The following PIK3C2G variants were observed in gnomAD, a reference collection of about 807,000 sequenced individuals.
PIK3C2G encodes phosphatidylinositol-4-phosphate 3-kinase catalytic subunit type 2 gamma, also known as phosphatidylinositol 3-kinase C2 domain-containing subunit gamma.
A neutral mutation model predicts 181.1 loss-of-function variants in PIK3C2G; 168 were observed. The observed-to-expected ratio is 0.93, with a 90% CI of 0.82 to 1.05. The LOEUF is 1.05. Among genes scored for constraint, PIK3C2G ranks in the 50% least tolerant of loss-of-function variants. The pLI is 0.00. For synonymous variants in PIK3C2G, 573 were observed against 592.2 expected (o/e 0.97, Z 0.47); for missense variants, 1,869 against 1,732.8 (o/e 1.08, Z -1.40).
downstream of PIK3C2G, among the ~76,000 whole-genome samples, chr12:18,649,923 C>T (rs186066081): frequency 2.0e-4 from 31 of 152,162 alleles, no homozygotes; most frequent in Admixed American, 1.4e-3. Flanking sequence ...TGCTCCTCTC[C>T]ACCACCTCCA....
chr12:18,549,121 T>A (rs897463965), intron 26 of PIK3C2G, among the ~76,000 whole-genome samples: 1 of 152,066 alleles, frequency 6.6e-6, no homozygotes. Flanking sequence ...TGAAACCTTA[T>A]CTGATCATTC....
intron 26 of PIK3C2G, among the ~76,000 whole-genome samples, chr12:18,558,480 T>A (rs529753189): frequency 6.6e-6 from 1 of 152,324 alleles, no homozygotes; most frequent in African/African-American, 2.4e-5. Context: ...TTACATACAA[T>A]TGTGATTCTT....
chr12:18,609,664 C>G, intron 31 of PIK3C2G, 35 bp downstream of exon 31: 7 of 1,294,860 alleles, frequency 5.4e-6, no homozygotes, highest in Non-Finnish European at 7.6e-6. Context: ...AACATGTAAG[C>G]CTACATCCAG....
At chr12:18,349,827 T>C (rs1940051261) in intron 11 of PIK3C2G, among the ~76,000 whole-genome samples, 1 of 152,196 alleles carries the variant, frequency 6.6e-6, no homozygotes, top group Admixed American at 6.5e-5. Flanking sequence ...TAGGTAGGAC[T>C]ATAGTTTTTA....
the PIK3C2G span, chr12:18,684,149 T>A: frequency 2.5e-6 from 4 of 1,611,886 alleles, no homozygotes; most frequent in Non-Finnish European, 1.7e-6. Flanking sequence ...TGCATAGAAG[T>A]GGCAAAGTAT....
chr12:18,680,765 G>C, the PIK3C2G span, among the ~76,000 whole-genome samples: 2 of 151,934 alleles, frequency 1.3e-5, no homozygotes, highest in Non-Finnish European at 2.9e-5. Context: ...TCAGTAAGAG[G>C]GTATTAGAAA....
At chr12:18,279,029 T>C (rs2137102366) in intron 1 of PIK3C2G, among the ~76,000 whole-genome samples, 1 of 152,170 alleles carries the variant, frequency 6.6e-6, no homozygotes. Flanking sequence ...GAAAAAAATA[T>C]TGTTATTAAT....
the PIK3C2G span, among the ~76,000 whole-genome samples, chr12:18,685,894 A>C: frequency 1.2e-5 from 1 of 81,960 alleles, no homozygotes; most frequent in Non-Finnish European, 3.0e-5. Flanking sequence ...ATTAATTATA[A>C]GAGAAAGCCC....
chr12:18,525,891 A>C (rs142719485), intron 24 of PIK3C2G, among the ~76,000 whole-genome samples: 1 of 152,200 alleles, frequency 6.6e-6, no homozygotes, highest in African/African-American at 2.4e-5. Flanking sequence ...AAAATATCAT[A>C]TATCAGTCTT....
intron 24 of PIK3C2G, among the ~76,000 whole-genome samples, chr12:18,526,532 C>T (rs1476654188): frequency 6.6e-6 from 1 of 152,054 alleles, no homozygotes; most frequent in Non-Finnish European, 1.5e-5. Context: ...TTTCCTTGAC[C>T]CAAGAACCTG....
chr12:18,712,597 C>A, the PIK3C2G span, among the ~76,000 whole-genome samples: 1 of 152,000 alleles, frequency 6.6e-6, no homozygotes, highest in East Asian at 1.9e-4. Context: ...CCTTGTGAAA[C>A]AATACACACA....
At chr12:18,694,897 T>G in the PIK3C2G span, 8 of 1,563,412 alleles carry the variant, frequency 5.1e-6, no homozygotes, top group South Asian at 8.0e-5. Context: ...AAAAGAAAAT[T>G]TATTAATCTT....
chr12:18,497,263 C>A (rs1372987569), intron 21 of PIK3C2G, among the ~76,000 whole-genome samples: 1 of 152,124 alleles, frequency 6.6e-6, no homozygotes, highest in East Asian at 1.9e-4. Context: ...AAAGAGATCT[C>A]TCTTGGCTAA....
At chr12:18,435,210 C>T (rs544567774) in intron 18 of PIK3C2G, among the ~76,000 whole-genome samples, 4 of 152,150 alleles carry the variant, frequency 2.6e-5, no homozygotes, top group Non-Finnish European at 5.9e-5. Context: ...AGACATTATT[C>T]TTACCCAATA....
At chr12:18,475,011 T>A (rs1422508449) in intron 18 of PIK3C2G, among the ~76,000 whole-genome samples, 1 of 152,074 alleles carries the variant, frequency 6.6e-6, no homozygotes, top group African/African-American at 2.4e-5. Flanking sequence ...CTCTTAAAAC[T>A]TTTCTTAAAG....
At chr12:18,659,643 C>G in the PIK3C2G span, among the ~76,000 whole-genome samples, 1 of 147,752 alleles carries the variant, frequency 6.8e-6, no homozygotes, top group Non-Finnish European at 1.5e-5. Flanking sequence ...GTCTCCTTTA[C>G]TATGGAATAG....
chr12:18,533,760 C>T (rs995063921), intron 24 of PIK3C2G, among the ~76,000 whole-genome samples: 3 of 151,840 alleles, frequency 2.0e-5, no homozygotes, highest in African/African-American at 7.3e-5. Flanking sequence ...TTCAATTCAC[C>T]TAACAGACAG....
At chr12:18,624,863 C>T (rs114284283) in intron 31 of PIK3C2G, among the ~76,000 whole-genome samples, 1,593 of 151,682 alleles carry the variant, frequency 0.011, 26 homozygotes, top group African/African-American at 0.036. Flanking sequence ...CTTTTGTATT[C>T]TTTTGGTGCC....
At chr12:18,574,392 A>T (rs1946127048) in intron 29 of PIK3C2G, among the ~76,000 whole-genome samples, 1 of 152,220 alleles carries the variant, frequency 6.6e-6, no homozygotes, top group South Asian at 2.1e-4. Context: ...CCATTTTTAT[A>T]AAGAAAAACT....
Sources: gnomAD v4.1 joint callset for allele counts (sites outside exome capture counted in the v4.1 genomes callset) on GRCh38, gnomAD v4.1.1 for gene constraint, MANE v1.5 for transcripts, NCBI Gene and HGNC (gene_info 2026-07-23, HGNC 2026-07-21) for gene names.